Variants in PCLO observed in about 807,000 individuals in gnomAD.
PCLO encodes protein piccolo.
A neutral mutation model predicts 427.5 loss-of-function variants in PCLO; 82 were observed. That is an observed-to-expected ratio of 0.19 (90% confidence interval 0.16 to 0.23). The LOEUF (loss-of-function observed/expected upper bound fraction) is 0.23. Ranked by LOEUF, PCLO falls within the 10% of genes least tolerant of loss-of-function variation. The pLI is 1.00. For synonymous variants in PCLO, 2,357 were observed against 2,155.4 expected (o/e 1.09, Z -2.59); for missense variants, 6,239 against 6,115.9 (o/e 1.02, Z -0.67).
intron 3 of PCLO, among the ~76,000 whole-genome samples, chr7:83,106,242 G>A (rs945968695): frequency 2.0e-5 from 3 of 152,192 alleles, no homozygotes; most frequent in African/African-American, 7.2e-5. Context: ...CACTTGAATG[G>A]AGTGAGGAGA....
chr7:82,827,149 T>C (rs1791965002), intron 17 of PCLO, among the ~76,000 whole-genome samples: 1 of 152,082 alleles, frequency 6.6e-6, no homozygotes, highest in African/African-American at 2.4e-5. Flanking sequence ...GTAATGAAAT[T>C]AATCTACTAG....
intron 16 of PCLO, among the ~76,000 whole-genome samples, chr7:82,831,971 G>A (rs1438142557): frequency 6.6e-6 from 1 of 152,122 alleles, no homozygotes; most frequent in Non-Finnish European, 1.5e-5. Flanking sequence ...GTTGAAGGTA[G>A]GCAGGTAAAC....
At chr7:83,034,581 T>C (rs1278551953) in intron 3 of PCLO, among the ~76,000 whole-genome samples, 2 of 152,232 alleles carry the variant, frequency 1.3e-5, no homozygotes, top group African/African-American at 2.4e-5. Context: ...AGCAAATTAC[T>C]ACTCATCTCC....
intron 13 of PCLO, 70 bp downstream of exon 13, chr7:82,845,201 A>G (rs186078260): frequency 7.3e-5 from 74 of 1,012,210 alleles, no homozygotes; most frequent in East Asian, 6.2e-4. Context: ...ATGATATTTT[A>G]TTTTCTGTCT....
intron 2 of PCLO, among the ~76,000 whole-genome samples, chr7:83,149,723 T>G (rs1031986231): frequency 2.6e-5 from 4 of 152,198 alleles, no homozygotes; most frequent in African/African-American, 9.6e-5. Flanking sequence ...TCTGAACAAC[T>G]TCTCCCCATT....
At chr7:82,846,994 C>A (rs984829796) in intron 11 of PCLO, 145 bp downstream of exon 11, 3 of 586,398 alleles carry the variant, frequency 5.1e-6, no homozygotes, top group African/African-American at 3.8e-5. Flanking sequence ...TAGCTGAATT[C>A]TTTCTATGCT....
At chr7:82,896,064 T>C (rs1793896555) in intron 9 of PCLO, among the ~76,000 whole-genome samples, 1 of 151,844 alleles carries the variant, frequency 6.6e-6, no homozygotes, top group Non-Finnish European at 1.5e-5. Context: ...GCAAAGTAAA[T>C]CATGAAAAAT....
chr7:82,771,272 A>G (rs970247884), intron 22 of PCLO, among the ~76,000 whole-genome samples: 1 of 151,914 alleles, frequency 6.6e-6, no homozygotes, highest in African/African-American at 2.4e-5. Flanking sequence ...GTTTGAGTCC[A>G]GTTTTCACTA....
intron 22 of PCLO, 62 bp from the exon 23 acceptor site, chr7:82,761,555 A>C (rs1790433540): frequency 8.1e-7 from 1 of 1,230,366 alleles, no homozygotes; most frequent in Non-Finnish European, 1.2e-6. Context: ...TGTTTAGTTC[A>C]GTAATTCATT....
chr7:83,028,814 A>T (rs555615887), intron 3 of PCLO, among the ~76,000 whole-genome samples: 7 of 150,972 alleles, frequency 4.6e-5, no homozygotes, highest in Admixed American at 4.6e-4. Context: ...CGTATCTACA[A>T]CTATCTGATC....
chr7:82,925,027 AT>A (rs1794681572), intron 6 of PCLO, among the ~76,000 whole-genome samples: 4 of 152,134 alleles, frequency 2.6e-5, no homozygotes, highest in Non-Finnish European at 1.5e-5. Flanking sequence ...GTCCCATTTT[AT>A]TTCAACTATC....
intron 9 of PCLO, among the ~76,000 whole-genome samples, chr7:82,892,891 T>C (rs1368666692): frequency 6.6e-6 from 1 of 151,936 alleles, no homozygotes; most frequent in African/African-American, 2.4e-5. Flanking sequence ...CTCACACCAG[T>C]TAGAATGGCA....
chr7:82,839,338 A>C (rs946720695), intron 14 of PCLO, among the ~76,000 whole-genome samples: 1 of 152,116 alleles, frequency 6.6e-6, no homozygotes, highest in Non-Finnish European at 1.5e-5. Flanking sequence ...TCCTCATTTT[A>C]GTATAATTTT....
chr7:82,960,361 C>T (rs1795629466), intron 4 of PCLO, among the ~76,000 whole-genome samples: 1 of 152,152 alleles, frequency 6.6e-6, no homozygotes, highest in South Asian at 2.1e-4. Flanking sequence ...GAGTCCTCCT[C>T]ACTACAGAAA....
At chr7:83,004,150 G>A (rs1471759578) in intron 3 of PCLO, among the ~76,000 whole-genome samples, 1 of 151,612 alleles carries the variant, frequency 6.6e-6, no homozygotes, top group Non-Finnish European at 1.5e-5. Flanking sequence ...CCACAGAAAT[G>A]GAACAAAAAT....
At chr7:83,143,688 T>A (rs935346636) in intron 2 of PCLO, among the ~76,000 whole-genome samples, 11 of 150,892 alleles carry the variant, frequency 7.3e-5, no homozygotes, top group Non-Finnish European at 1.3e-4. Flanking sequence ...AAGCACAATT[T>A]GTAAAATAAT....
intron 3 of PCLO, among the ~76,000 whole-genome samples, chr7:83,024,140 C>T (rs990257345): frequency 6.6e-6 from 1 of 152,180 alleles, no homozygotes; most frequent in African/African-American, 2.4e-5. Context: ...GTCTACAGCT[C>T]CCAGCGTGAG....
chr7:82,859,849 C>A (rs971526756), intron 10 of PCLO, among the ~76,000 whole-genome samples: 30 of 151,942 alleles, frequency 2.0e-4, no homozygotes, highest in African/African-American at 7.3e-4. Flanking sequence ...ATTCAGAATT[C>A]TATTAGATAA....
chr7:83,141,777 G>A (rs1791867929), intron 2 of PCLO, among the ~76,000 whole-genome samples: 1 of 152,122 alleles, frequency 6.6e-6, no homozygotes, highest in South Asian at 2.1e-4. Context: ...CTACTTGAAG[G>A]TTTAATTGTG....
Sources: allele counts gnomAD v4.1 joint callset (sites outside exome capture counted in the v4.1 genomes callset), GRCh38; gene constraint gnomAD v4.1.1; transcripts MANE v1.5; gene names NCBI Gene and HGNC (gene_info 2026-07-23, HGNC 2026-07-21).